The following CR1L variants were observed in gnomAD, a reference collection of about 807,000 sequenced individuals.
CR1L encodes the protein complement component receptor 1-like protein.
Under a neutral mutation model 62.3 loss-of-function variants are expected in CR1L, and 59 were observed. That is an observed-to-expected ratio of 0.95 (90% CI 0.77 to 1.18). The LOEUF (loss-of-function observed/expected upper bound fraction) is 1.18, where lower values mean the gene tolerates loss of function less well. Ranked by LOEUF, CR1L falls within the 50% of genes most tolerant of loss-of-function variation. The probability of loss-of-function intolerance (pLI) is 0.00; values close to 1 mark genes in which losing one functional copy is unlikely to be tolerated. For missense variants in CR1L, 700 were observed against 702.8 expected (o/e 1.00, Z 0.04); for synonymous variants, 279 against 248.7 (o/e 1.12, Z -1.15).
At chr1:207,693,138 T>A (rs1664022008) in intron 4 of CR1L, among the ~76,000 whole-genome samples, 1 of 152,202 alleles carries the variant, frequency 6.6e-6, no homozygotes, top group Non-Finnish European at 1.5e-5. Flanking sequence ...TTTCTTTGTA[T>A]TGCTTGGGTT....
At chr1:207,669,510 C>T in intron 1 of CR1L, 1 of 1,582,028 alleles carries the variant, frequency 6.3e-7, no homozygotes, top group Non-Finnish European at 8.6e-7. Context: ...TCCCCTTCTG[C>T]TGCGGAGGAT....
chr1:207,696,189 T>A (rs1381884461), intron 5 of CR1L, among the ~76,000 whole-genome samples: 1 of 152,176 alleles, frequency 6.6e-6, no homozygotes, highest in Non-Finnish European at 1.5e-5. Context: ...CCCTGAAAGC[T>A]GCTAATGCTG....
chr1:207,716,542 C>T (rs1280360521), intron 10 of CR1L, among the ~76,000 whole-genome samples: 1 of 151,878 alleles, frequency 6.6e-6, no homozygotes, highest in Non-Finnish European at 1.5e-5. Flanking sequence ...CTTTAATTTG[C>T]ATTGTGTTAA....
At chr1:207,667,241 C>T (rs1663537588) in intron 1 of CR1L, among the ~76,000 whole-genome samples, 2 of 152,176 alleles carry the variant, frequency 1.3e-5, no homozygotes, top group South Asian at 4.1e-4. Flanking sequence ...TGGTTTAAAA[C>T]AACACAAATC....
chr1:207,660,839 G>A (rs957524789), intron 1 of CR1L, among the ~76,000 whole-genome samples: 2 of 152,280 alleles, frequency 1.3e-5, no homozygotes, highest in African/African-American at 4.8e-5. Context: ...ATTCTGGTAT[G>A]TTGTGTTTTT....
chr1:207,647,249 G>A (rs1663141555), intron 1 of CR1L, among the ~76,000 whole-genome samples: 1 of 152,190 alleles, frequency 6.6e-6, no homozygotes. Flanking sequence ...GGGGAGGGAA[G>A]GCTTTGCTTC....
chr1:207,665,524 G>A (rs1466114540), intron 1 of CR1L, among the ~76,000 whole-genome samples: 2 of 151,758 alleles, frequency 1.3e-5, no homozygotes, highest in Non-Finnish European at 2.9e-5. Flanking sequence ...AGCCTCCCGA[G>A]TAGCTGGGAT....
chr1:207,690,109 A>C (rs1253922667), intron 4 of CR1L, among the ~76,000 whole-genome samples: 1 of 151,948 alleles, frequency 6.6e-6, no homozygotes, highest in Non-Finnish European at 1.5e-5. Flanking sequence ...TTTCTCTTTT[A>C]CTGATTTCTG....
At chr1:207,652,598 C>T in intron 1 of CR1L, 6 of 1,539,426 alleles carry the variant, frequency 3.9e-6, no homozygotes, top group Non-Finnish European at 5.4e-6. Context: ...ATTGGTAAAC[C>T]AAAACCCTAC....
intron 3 of CR1L, among the ~76,000 whole-genome samples, chr1:207,682,459 C>CA (rs1663814321): frequency 6.6e-6 from 1 of 151,952 alleles, no homozygotes; most frequent in Non-Finnish European, 1.5e-5. Context: ...AACTCTATCT[C>CA]AAAAATAATA....
At chr1:207,711,898 C>CAAAA (rs112058934) in intron 10 of CR1L, among the ~76,000 whole-genome samples, 39 of 115,928 alleles carry the variant, frequency 3.4e-4, no homozygotes, top group African/African-American at 1.1e-3. Flanking sequence ...GATATCACCT[C>CAAAA]AAAAAAAAAA....
chr1:207,707,603 G>A (rs1457905884), intron 9 of CR1L, among the ~76,000 whole-genome samples: 2 of 152,168 alleles, frequency 1.3e-5, no homozygotes, highest in Non-Finnish European at 2.9e-5. Context: ...ACTCCAGCCT[G>A]AGCGACAGAG....
chr1:207,686,254 T>C (rs78427990), intron 4 of CR1L, among the ~76,000 whole-genome samples: 5,750 of 148,318 alleles, frequency 0.039, 182 homozygotes, highest in South Asian at 0.12. Context: ...ACCACCAGTA[T>C]AACATTGAAC....
At chr1:207,668,949 C>G (rs1214214303) in intron 1 of CR1L, among the ~76,000 whole-genome samples, 2 of 151,040 alleles carry the variant, frequency 1.3e-5, no homozygotes, top group Non-Finnish European at 2.9e-5. Context: ...GGCATGACAT[C>G]TCAATTCACG....
chr1:207,696,222 A>G (rs1287910461), intron 5 of CR1L, among the ~76,000 whole-genome samples: 1 of 152,222 alleles, frequency 6.6e-6, no homozygotes, highest in Non-Finnish European at 1.5e-5. Context: ...CAGCTGCCAG[A>G]ATGCAGCTGA....
intron 3 of CR1L, among the ~76,000 whole-genome samples, chr1:207,680,066 G>A (rs1304026841): frequency 7.2e-5 from 11 of 152,180 alleles, no homozygotes; most frequent in Admixed American, 3.3e-4. Flanking sequence ...GTCATATGAT[G>A]TACAATACCA....
chr1:207,689,789 T>C (rs1220688694), intron 4 of CR1L, among the ~76,000 whole-genome samples: 1 of 152,112 alleles, frequency 6.6e-6, no homozygotes, highest in Non-Finnish European at 1.5e-5. Context: ...TTCAATTTCT[T>C]TAATAGCTAT....
In CR1L at chr1:207,708,189, T is replaced by C; in HGVS notation, c.1340T>C (p.Ile447Thr). 1 of 1,611,492 alleles carries C rather than the reference T, an allele frequency of 6.2e-7. No individual in the cohort carries two copies. The highest frequency in any genetic ancestry group is 1.1e-5 in the South Asian group (1 of 90,982). Residue 447 changes from isoleucine (I) to threonine (T), a missense_variant, in exon 10 of 12, where the codon ATT (isoleucine) becomes ACT (threonine). Ile to Thr is a moderately conservative substitution (Grantham distance 89, BLOSUM62 -1). Coordinates refer to ENST00000508064, the MANE Select transcript of CR1L (RefSeq NM_175710.2). ...NYSCTTGHRLIGHSSAECILS... is the reference protein window; with the variant it reads ...NYSCTTGHRLTGHSSAECILS... ...TTTTTTGCCTTTAGGCACCGACTCA[T>C]TGGTCACTCATCTGCTGAATGTATC...
At chr1:207,677,649 G>C (rs965635175) in intron 2 of CR1L, 81 bp downstream of exon 2, 2 of 1,491,632 alleles carry the variant, frequency 1.3e-6, no homozygotes, top group African/African-American at 2.8e-5. Flanking sequence ...TTTTGTAACT[G>C]AGTTGCATAC....
Sources: gnomAD v4.1 joint callset for allele counts (sites outside exome capture counted in the v4.1 genomes callset) on GRCh38, gnomAD v4.1.1 for gene constraint, MANE v1.5 for transcripts, NCBI Gene and HGNC (gene_info 2026-07-23, HGNC 2026-07-21) for gene names.